The following CMIP variants were observed in gnomAD, a reference collection of about 807,000 sequenced individuals.
CMIP encodes the protein c-Maf inducing protein.
CMIP carries 13 observed loss-of-function variants against 97.3 expected under a neutral mutation model. The observed-to-expected ratio is 0.13, with a 90% CI of 0.09 to 0.21. CMIP has a LOEUF of 0.21. Among genes scored for constraint, CMIP ranks in the 10% least tolerant of loss-of-function variants. The probability of loss-of-function intolerance (pLI) is 1.00; values close to 1 mark genes in which losing one functional copy is unlikely to be tolerated. For missense variants in CMIP, 847 were observed against 1,024.9 expected, an observed-to-expected ratio of 0.83 and a Z score of 2.37; for synonymous variants, 538 against 436.3, an observed-to-expected ratio of 1.23 and a Z score of -2.91.
chr16:81,641,975 T>C (rs1385587229), intron 3 of CMIP, among the ~76,000 whole-genome samples: 1 of 152,250 alleles, frequency 6.6e-6, no homozygotes, highest in Non-Finnish European at 1.5e-5. Context: ...TCAGCCTCGA[T>C]GTTCTCATCT....
intron 1 of CMIP, among the ~76,000 whole-genome samples, chr16:81,525,386 G>A (rs1016618277): frequency 7.2e-5 from 11 of 152,082 alleles, no homozygotes; most frequent in South Asian, 2.1e-4. Flanking sequence ...CAGGTGATCC[G>A]TGCATCTCGG....
Position 81,701,700 on chromosome 16 carries a change from A to G in CMIP, c.1796A>G (p.Asn599Ser), listed in dbSNP as rs754948997. 20 of 1,613,816 alleles carry G rather than the reference A, an allele frequency of 1.2e-5. 1 individual carries two copies. Among genetic ancestry groups the G allele is most frequent in the Non-Finnish European group, 1.4e-5 (17 of 1,179,890 alleles). The part of the protein sequence containing the change: ...LMLEYNIIDN[N>S]DTQLQIISTL... Reference sequence around the variant, plus strand: ...CTGGAATACAACATCATCGACAACAACGACACCCAACTGCAGATCATCTCA... The same window carrying G: ...CTGGAATACAACATCATCGACAACAGCGACACCCAACTGCAGATCATCTCA... Residue 599 changes from asparagine to serine, a missense_variant, in exon 16 of 21, where the codon AAC (asparagine) becomes AGC (serine). Physicochemically the swap from Asn to Ser is conservative, Grantham distance 46. Transcript: ENST00000537098.
intron 1 of CMIP, among the ~76,000 whole-genome samples, chr16:81,486,318 T>G (rs985338376): frequency 4.7e-5 from 7 of 149,834 alleles, no homozygotes; most frequent in Admixed American, 1.3e-4. Context: ...TGCATCTGTT[T>G]CGTCCATCCA....
At chr16:81,450,764 A>G (rs1906157028) in intron 1 of CMIP, among the ~76,000 whole-genome samples, 1 of 152,238 alleles carries the variant, frequency 6.6e-6, no homozygotes, top group African/African-American at 2.4e-5. Context: ...CTTAAAATAA[A>G]TTACAAAAAT....
At chr16:81,625,645 A>G (rs1324478234) in intron 3 of CMIP, among the ~76,000 whole-genome samples, 1 of 152,218 alleles carries the variant, frequency 6.6e-6, no homozygotes, top group Non-Finnish European at 1.5e-5. Flanking sequence ...AGACCCAGGT[A>G]TGCACAGCTG....
At chr16:81,613,838 T>A (rs572103295) in intron 2 of CMIP, among the ~76,000 whole-genome samples, 1 of 152,236 alleles carries the variant, frequency 6.6e-6, no homozygotes, top group Non-Finnish European at 1.5e-5. Flanking sequence ...ATCTGTCTTA[T>A]CTGTTTTTCC....
chr16:81,578,823 G>T (rs566819445), intron 1 of CMIP, among the ~76,000 whole-genome samples: 1 of 152,342 alleles, frequency 6.6e-6, no homozygotes, highest in East Asian at 1.9e-4. Flanking sequence ...ATAAGCCCGT[G>T]CCATTGCAGG....
rs4889357 is a variant in CMIP at position 81,655,021 on chromosome 16, C to T, written c.639+2657C>T. The stretch of plus-strand genomic sequence containing the variant: ...GGGTCTGAGACGAGTACCTATTTCA[C>T]AGAATTGAAGATGCGATCCTCTCAT... On this transcript the variant is annotated intron_variant, in intron 4 of 20. Coordinates refer to ENST00000537098, the MANE Select transcript of CMIP (RefSeq NM_198390.3). The surrounding 1 kb of genome is among the most constrained non-coding windows in gnomAD (Gnocchi z 4.9). Among the ~76,000 whole-genome samples the T allele has an allele frequency of 0.77, 117,271 of 152,130 alleles. 45,484 individuals carry two copies. The highest frequency in any genetic ancestry group is 0.92 in the East Asian group (4,784 of 5,176).
intron 10 of CMIP, among the ~76,000 whole-genome samples, chr16:81,689,217 C>A (rs1199560568): frequency 6.6e-6 from 1 of 152,202 alleles, no homozygotes; most frequent in African/African-American, 2.4e-5. Context: ...GTTCTAGATC[C>A]TCAAGGCATC....
intron 1 of CMIP, among the ~76,000 whole-genome samples, chr16:81,499,651 TG>T (rs1025779780): frequency 2.6e-4 from 40 of 152,360 alleles, no homozygotes; most frequent in African/African-American, 7.2e-4. Context: ...CAGACTGGGC[TG>T]GCATGTGGCC....
intron 1 of CMIP, among the ~76,000 whole-genome samples, chr16:81,546,010 GA>G (rs1268112726): frequency 3.3e-5 from 5 of 152,174 alleles, no homozygotes; most frequent in African/African-American, 9.7e-5. Flanking sequence ...GGTGGGTGGG[GA>G]AAACGCAAAT....
intron 10 of CMIP, among the ~76,000 whole-genome samples, chr16:81,683,756 C>CTTTTTTTTTTT (rs71272426): frequency 4.9e-5 from 4 of 81,612 alleles, no homozygotes; most frequent in African/African-American, 1.0e-4. Context: ...TTTTCTTTTT[C>CTTTTTTTTTTT]TTTTTTTTTT....
At chr16:81,542,319 C>A (rs1351255471) in intron 1 of CMIP, among the ~76,000 whole-genome samples, 2 of 152,194 alleles carry the variant, frequency 1.3e-5, no homozygotes, top group Non-Finnish European at 2.9e-5. Context: ...TGCTCGGACA[C>A]CCCACCAGTG....
rs75080700 is a variant in CMIP at position 81,566,498 on chromosome 16, C to T, written c.301-41069C>T. Among the ~76,000 whole-genome samples the T allele has an allele frequency of 2.4e-3, 363 of 152,320 alleles. 15 individuals carry two copies. The East Asian group carries it at 0.059, about 25-fold the overall frequency. On this transcript the variant is annotated intron_variant, in intron 1 of 20. Transcript: ENST00000537098. Reference sequence around the variant, plus strand: ...GCCACGCACAACTGGATTTTGGTACCACAGCTTTGCTGTGTGACTCTGGGT... The same window carrying T: ...GCCACGCACAACTGGATTTTGGTACTACAGCTTTGCTGTGTGACTCTGGGT...
At chr16:81,565,309 G>A (rs1047194026) in intron 1 of CMIP, among the ~76,000 whole-genome samples, 2 of 152,210 alleles carry the variant, frequency 1.3e-5, no homozygotes, top group African/African-American at 4.8e-5. Context: ...TCCAAGAAGA[G>A]GAGCCTCTCT....
At chr16:81,702,875 T>C (rs1012966978) in intron 17 of CMIP, among the ~76,000 whole-genome samples, 3 of 152,192 alleles carry the variant, frequency 2.0e-5, no homozygotes, top group Non-Finnish European at 4.4e-5. Context: ...AGTTAAAATA[T>C]GATACAGATT....
At chr16:81,613,699 C>G (rs1265458850) in intron 2 of CMIP, among the ~76,000 whole-genome samples, 2 of 152,186 alleles carry the variant, frequency 1.3e-5, no homozygotes, top group Non-Finnish European at 2.9e-5. Flanking sequence ...GAGAGGGAAT[C>G]AGAGCTGAAG....
rs536519283 is a variant in CMIP at position 81,492,184 on chromosome 16, C to T, written c.300+46643C>T. 4.6e-5 allele frequency among the ~76,000 whole-genome samples: 7 copies of T among 152,328 alleles called. No individual in the cohort carries two copies. In the South Asian group the frequency reaches 1.5e-3, roughly 32 times the overall value. ...TTGATGGCTTTGGATATCGATGAGG[C>T]TCTCTTGCTTTCCCGCAGAGTGGAG... On this transcript the variant is annotated intron_variant, in intron 1 of 20. Transcript: ENST00000537098.
intron 10 of CMIP, among the ~76,000 whole-genome samples, chr16:81,686,260 G>C: frequency 6.6e-6 from 1 of 152,212 alleles, no homozygotes; most frequent in East Asian, 1.9e-4. Context: ...CTGGAGGGAA[G>C]ACAAGCTAGC....
Sources: allele counts gnomAD v4.1 joint callset (sites outside exome capture counted in the v4.1 genomes callset), GRCh38; gene constraint gnomAD v4.1.1; non-coding constraint Gnocchi (gnomAD v3.1); transcripts MANE v1.5; gene names NCBI Gene and HGNC (gene_info 2026-07-23, HGNC 2026-07-21).